Variants in SOBP observed in about 807,000 individuals in gnomAD.
SOBP encodes the protein sine oculis binding protein homolog, also known as sine oculis-binding protein homolog.
Under a neutral mutation model 53.6 loss-of-function variants are expected in SOBP, and 4 were observed. That is an observed-to-expected ratio of 0.07 (90% CI 0.04 to 0.17). The LOEUF (loss-of-function observed/expected upper bound fraction) is 0.17. SOBP is among the 10% of genes least tolerant of loss of function. SOBP has a pLI of 1.00. For synonymous variants in SOBP, 584 were observed against 522.6 expected, an observed-to-expected ratio of 1.12 and a Z score of -1.60; for missense variants, 1,088 against 1,204.7, an observed-to-expected ratio of 0.90 and a Z score of 1.43.
At chr6:107,505,164 C>G (rs1782947075) in intron 2 of SOBP, among the ~76,000 whole-genome samples, 1 of 152,054 alleles carries the variant, frequency 6.6e-6, no homozygotes, top group African/African-American at 2.4e-5. Flanking sequence ...CTCATTGGTT[C>G]ATGTGATTAT....
Position 107,490,212 on chromosome 6 carries a change from C to A in SOBP, c.-405C>A, listed in dbSNP as rs1248780033. ...GCGCCCATGCGGACGGACCGAGCGACGGAAGATGGCTGACGACTCCACGGG... is the reference window on the plus strand; with the variant it reads ...GCGCCCATGCGGACGGACCGAGCGAAGGAAGATGGCTGACGACTCCACGGG... On this transcript the variant is annotated 5_prime_UTR_variant, in exon 1 of 7. Transcript: ENST00000317357. The A allele has an allele frequency of 6.7e-6, 1 of 149,010 alleles. No individual in the cohort carries two copies. Among genetic ancestry groups the A allele is most frequent in the Non-Finnish European group, 1.5e-5 (1 of 66,526 alleles). The allele number at this position is 149,010 out of a possible 1,614,324, so 9.2% of individuals were successfully genotyped here. A position where few individuals can be genotyped will look rare whatever the true frequency, so the allele number is the denominator to read the frequency against.
At chr6:107,633,465 G>C in intron 5 of SOBP, 49 bp from the exon 6 acceptor site, 1 of 1,612,940 alleles carries the variant, frequency 6.2e-7, no homozygotes, top group Non-Finnish European at 8.5e-7. Context: ...CATCTACCCA[G>C]GTAAATTGCT....
intron 4 of SOBP, among the ~76,000 whole-genome samples, chr6:107,570,660 T>C (rs564533061): frequency 2.6e-5 from 4 of 152,372 alleles, no homozygotes; most frequent in African/African-American, 9.6e-5. Flanking sequence ...CTTTCACCTG[T>C]CCTTTCATTC....
intron 4 of SOBP, among the ~76,000 whole-genome samples, chr6:107,554,629 G>A (rs879594389): frequency 3.3e-5 from 5 of 152,138 alleles, no homozygotes; most frequent in Non-Finnish European, 7.3e-5. Context: ...GAATCCATTG[G>A]AGCCACCAAT....
chr6:107,586,885 A>G (rs1744241792), intron 4 of SOBP, among the ~76,000 whole-genome samples, 195 bp from the exon 5 acceptor site: 1 of 152,234 alleles, frequency 6.6e-6, no homozygotes, highest in African/African-American at 2.4e-5. Flanking sequence ...TTGCATGTTC[A>G]AACTAAACAA....
chr6:107,548,404 G>A (rs1210027032), intron 4 of SOBP, among the ~76,000 whole-genome samples: 1 of 151,714 alleles, frequency 6.6e-6, no homozygotes, highest in Non-Finnish European at 1.5e-5. Context: ...CACCATGCCT[G>A]GCTAATTTTT....
chr6:107,514,608 CT>C (rs1339756867), intron 3 of SOBP: 1 of 152,198 alleles, frequency 6.6e-6, no homozygotes, highest in East Asian at 1.9e-4. Context: ...GTGGTGAAGA[CT>C]GCCAGAGCAA....
At chr6:107,550,657 A>G (rs1288511758) in intron 4 of SOBP, among the ~76,000 whole-genome samples, 1 of 152,198 alleles carries the variant, frequency 6.6e-6, no homozygotes, top group Non-Finnish European at 1.5e-5. Context: ...GCCAGGCTCT[A>G]TGCATGAGTG....
At chr6:107,570,921 G>A (rs930892010) in intron 4 of SOBP, among the ~76,000 whole-genome samples, 3 of 152,212 alleles carry the variant, frequency 2.0e-5, no homozygotes, top group Admixed American at 6.5e-5. Context: ...TGCAATTTTT[G>A]TGCTTACGGT....
chr6:107,531,911 A>G (rs1304664176), intron 3 of SOBP, among the ~76,000 whole-genome samples: 1 of 152,126 alleles, frequency 6.6e-6, no homozygotes, highest in Non-Finnish European at 1.5e-5. Flanking sequence ...GGTGATACTC[A>G]GGGGGAAAAA....
At chr6:107,646,476 A>C (rs846961) in intron 6 of SOBP, among the ~76,000 whole-genome samples, 1 of 152,218 alleles carries the variant, frequency 6.6e-6, no homozygotes, top group Non-Finnish European at 1.5e-5. Flanking sequence ...TGTTTCATGC[A>C]TGCACAGAGG....
intron 4 of SOBP, among the ~76,000 whole-genome samples, chr6:107,544,400 T>C (rs1784237114): frequency 6.6e-6 from 1 of 152,240 alleles, no homozygotes; most frequent in Admixed American, 6.5e-5. Context: ...ACCTGGTCCT[T>C]GCTCTCATGA....
intron 6 of SOBP, among the ~76,000 whole-genome samples, chr6:107,636,566 C>T (rs888452478): frequency 4.6e-5 from 7 of 152,290 alleles, no homozygotes; most frequent in African/African-American, 1.2e-4. Context: ...TCTATCCAAG[C>T]GGGCATCAAA....
chr6:107,552,205 G>A (rs944213269), intron 4 of SOBP, among the ~76,000 whole-genome samples: 1 of 152,174 alleles, frequency 6.6e-6, no homozygotes, highest in African/African-American at 2.4e-5. Context: ...GTTAAACCGA[G>A]CTATGATCAG....
At chr6:107,644,173 G>A (rs981345152) in intron 6 of SOBP, among the ~76,000 whole-genome samples, 1 of 152,166 alleles carries the variant, frequency 6.6e-6, no homozygotes, top group African/African-American at 2.4e-5. Context: ...ACATGATGGC[G>A]CATGGCTGTA....
intron 4 of SOBP, among the ~76,000 whole-genome samples, chr6:107,551,022 G>T (rs1003574153): frequency 1.3e-5 from 2 of 152,210 alleles, no homozygotes; most frequent in African/African-American, 4.8e-5. Context: ...TGCAGAGACT[G>T]ACAGGCACGT....
chr6:107,510,974 A>C (rs898201957), intron 3 of SOBP, among the ~76,000 whole-genome samples: 1 of 152,214 alleles, frequency 6.6e-6, no homozygotes, highest in Non-Finnish European at 1.5e-5. Context: ...AAATGCTAAT[A>C]ATAATAATAC....
chr6:107,583,574 G>A (rs901398963), intron 4 of SOBP, among the ~76,000 whole-genome samples: 2 of 152,062 alleles, frequency 1.3e-5, no homozygotes, highest in Non-Finnish European at 2.9e-5. Flanking sequence ...TGCCCATGCT[G>A]GAGTGTGGTG....
In SOBP at chr6:107,635,253, C is replaced by A. The variant is rs199587338; in HGVS notation, c.2409C>A (p.Asp803Glu). 5.6e-6 allele frequency: 9 copies of A among 1,613,824 alleles called. No individual in the cohort carries two copies. Among genetic ancestry groups the A allele is most frequent in the African/African-American group, 1.3e-5 (1 of 74,924 alleles). Residue 803 changes from aspartate (D) to glutamate (E), a missense_variant, in exon 6 of 7, where the codon GAC (aspartate) becomes GAA (glutamate). Physicochemically the swap from Asp to Glu is conservative, Grantham distance 45. Coordinates refer to ENST00000317357, the MANE Select transcript of SOBP (RefSeq NM_018013.4). This position sits in a 1 kb window ranked among gnomAD's most constrained non-coding sequence, Gnocchi z 4.5. Reference protein sequence around the residue: ...EEALAGGDKSDPNLNNPADED... With the variant: ...EEALAGGDKSEPNLNNPADED... ...CCCTGGCGGGGGGCGACAAGTCAGA[C>A]CCGAACCTTAATAACCCCGCGGACG...
Sources: allele counts gnomAD v4.1 joint callset (sites outside exome capture counted in the v4.1 genomes callset), GRCh38; gene constraint gnomAD v4.1.1; non-coding constraint Gnocchi (gnomAD v3.1); transcripts MANE v1.5; gene names NCBI Gene and HGNC (gene_info 2026-07-23, HGNC 2026-07-21).